The following IPO11 variants were observed in gnomAD, a reference collection of about 807,000 sequenced individuals.
IPO11 encodes the protein importin 11.
Under a neutral mutation model 143.2 loss-of-function variants are expected in IPO11, and 66 were observed. That is an observed-to-expected ratio of 0.46 (90% CI 0.38 to 0.57). The LOEUF is 0.57. Among genes scored for constraint, IPO11 ranks in the 20% least tolerant of loss-of-function variants. The probability of loss-of-function intolerance (pLI) is 0.00; values close to 1 mark genes in which losing one functional copy is unlikely to be tolerated. For missense variants in IPO11, 1,026 were observed against 1,141.0 expected, an observed-to-expected ratio of 0.90 and a Z score of 1.45; for synonymous variants, 385 against 377.8, an observed-to-expected ratio of 1.02 and a Z score of -0.22.
chr5:62,513,286 G>C (rs968632601), intron 19 of IPO11, among the ~76,000 whole-genome samples: 13 of 110,196 alleles, frequency 1.2e-4, no homozygotes, highest in African/African-American at 6.7e-4. Flanking sequence ...CTCCCTCCCG[G>C]ACGGGGCGGC....
At chr5:62,621,144 C>T (rs1746350383) in intron 29 of IPO11, among the ~76,000 whole-genome samples, 2 of 152,096 alleles carry the variant, frequency 1.3e-5, no homozygotes, top group Admixed American at 6.5e-5. Context: ...TGGTCTGTTA[C>T]GCAGAGTTTC....
At chr5:62,420,290 T>G (rs1346771787) in intron 1 of IPO11, among the ~76,000 whole-genome samples, 2 of 107,764 alleles carry the variant, frequency 1.9e-5, no homozygotes, top group African/African-American at 7.8e-5. Context: ...AAGCTCCGTC[T>G]CAAAAAAAAA....
intron 28 of IPO11, among the ~76,000 whole-genome samples, chr5:62,595,676 T>C (rs1478214229): frequency 6.6e-6 from 1 of 152,206 alleles, no homozygotes; most frequent in Non-Finnish European, 1.5e-5. Flanking sequence ...ATGAATTCTT[T>C]TGGAAGAAAG....
chr5:62,476,717 T>C lies in IPO11; in HGVS notation c.792T>C (p.Asp264=), dbSNP rs1029464792. The C allele has an allele frequency of 6.6e-7, 1 of 1,518,210 alleles. No homozygotes were observed. Among genetic ancestry groups the C allele is most frequent in the Non-Finnish European group, 8.8e-7 (1 of 1,131,616 alleles). 94.0% of individuals were successfully genotyped at this position (1,518,210 alleles called of 1,614,324 possible). The stretch of plus-strand genomic sequence containing the variant: ...TAGGTACAGATAATGTGTGTAGAGA[T>C]AGACTGGAAAAGACCATCATTCTTT... ...RSIGTDNVCR[D]RLEKTIILFT... is the part of the protein sequence containing the mutation. The change falls in exon 9 of 30, where the codon GAT becomes GAC. Residue 264 remains aspartate (D), a synonymous_variant. Coordinates refer to ENST00000325324, the MANE Select transcript of IPO11 (RefSeq NM_016338.5).
chr5:62,416,182 C>CTTTTTTTTTTTTTTTTTTTTT (rs869236693), intron 1 of IPO11, among the ~76,000 whole-genome samples: 1 of 123,508 alleles, frequency 8.1e-6, no homozygotes, highest in African/African-American at 3.0e-5. Flanking sequence ...TTTTTCTTTT[C>CTTTTTTTTTTTTTTTTTTTTT]TTTTTTTTTT....
chr5:62,471,762 G>A (rs1003594372), intron 7 of IPO11, among the ~76,000 whole-genome samples: 1 of 151,908 alleles, frequency 6.6e-6, no homozygotes, highest in African/African-American at 2.4e-5. Context: ...TTTTAAAAAA[G>A]AGATATTAAT....
Position 62,550,460 on chromosome 5 carries a change from G to T in IPO11, c.2344G>T (p.Glu782Ter). ...PYVFKGIIEG[E>*]RYPVVMSTYL... is the part of the protein sequence containing the mutation. Reference sequence around the variant, plus strand: ...TGTTTTCAAGGGTATTATAGAAGGGGAGGTAAGATTTTTCTTTAAGTTCCA... The same window carrying T: ...TGTTTTCAAGGGTATTATAGAAGGGTAGGTAAGATTTTTCTTTAAGTTCCA... The change falls in exon 25 of 30, where the codon GAG becomes TAG. Residue 782 changes from glutamate to a stop codon, truncating the protein, a stop_gained and splice_region_variant. Transcript: ENST00000325324. LOFTEE classifies it high-confidence loss of function. 1 of 1,602,820 alleles carries T rather than the reference G, an allele frequency of 6.2e-7. No homozygotes were observed.
chr5:62,598,472 C>T (rs867614322), intron 28 of IPO11, among the ~76,000 whole-genome samples: 9 of 3,314 alleles, frequency 2.7e-3, no homozygotes, highest in South Asian at 0.013. Flanking sequence ...CTCTCTCTCT[C>T]TCTCTCTCTC....
intron 28 of IPO11, among the ~76,000 whole-genome samples, chr5:62,600,930 A>G (rs1027544312): frequency 6.6e-6 from 1 of 152,214 alleles, no homozygotes; most frequent in African/African-American, 2.4e-5. Flanking sequence ...GTTTTCTGGT[A>G]TCCGCACCTG....
chr5:62,532,455 T>C (rs1742584067), intron 22 of IPO11, among the ~76,000 whole-genome samples: 1 of 152,154 alleles, frequency 6.6e-6, no homozygotes, highest in Non-Finnish European at 1.5e-5. Context: ...CCTCCCAGGT[T>C]CAAGCAATTC....
At chr5:62,544,555 C>G (rs1173661048) in intron 24 of IPO11, among the ~76,000 whole-genome samples, 1 of 152,190 alleles carries the variant, frequency 6.6e-6, no homozygotes, top group African/African-American at 2.4e-5. Flanking sequence ...CAGGGATACC[C>G]TGTCTCACCA....
At chr5:62,605,541 GAAT>G (rs1436340095) in intron 29 of IPO11, among the ~76,000 whole-genome samples, 2 of 151,808 alleles carry the variant, frequency 1.3e-5, no homozygotes, top group African/African-American at 4.8e-5. Context: ...CTAATTAGTA[GAAT>G]AATAATTTTA....
intron 27 of IPO11, among the ~76,000 whole-genome samples, chr5:62,589,196 A>T (rs191792712): frequency 2.6e-5 from 4 of 151,680 alleles, no homozygotes; most frequent in Admixed American, 2.0e-4. Flanking sequence ...GCCAAAAAAC[A>T]CCCCTTCAAC....
chr5:62,621,977 A>G (rs1746396247), intron 29 of IPO11, among the ~76,000 whole-genome samples: 1 of 152,108 alleles, frequency 6.6e-6, no homozygotes, highest in Admixed American at 6.5e-5. Flanking sequence ...GAAACCTGAA[A>G]GGTTTCTGGC....
Position 62,457,511 on chromosome 5 carries a change from C to G in IPO11, c.516+5578C>G, listed in dbSNP as rs116312906. On this transcript the variant is annotated intron_variant, in intron 5 of 29. Transcript: ENST00000325324. ...ATAATAGTGTTTCTGCTAAACAACA[C>G]ATGAATTATTTGGATGGTAAGGGTA... 5.0e-3 allele frequency among the ~76,000 whole-genome samples: 764 copies of G among 152,206 alleles called. 7 individuals carry two copies. Among genetic ancestry groups the G allele is most frequent in the African/African-American group, 0.017 (721 of 41,518 alleles).
Position 62,526,212 on chromosome 5 carries a change from C to T in IPO11, c.1967C>T (p.Ser656Leu). ...LPVIQLSTDV[S>L]QPPHVYLLED... ...GTTATTCAACTGAGTACAGATGTTT[C>T]ACAGCCTCCACATGTTTATCTTCTG... The change falls in exon 21 of 30, where the codon TCA becomes TTA. Residue 656 changes from serine (S) to leucine (L), a missense_variant. This residue lies in a region of IPO11 where 237 missense variants were observed against 288.0 expected (regional missense o/e 0.82). Coordinates refer to ENST00000325324, the MANE Select transcript of IPO11 (RefSeq NM_016338.5). 1 of 1,613,632 alleles carries T rather than the reference C, an allele frequency of 6.2e-7. No homozygotes were observed. The highest frequency in any genetic ancestry group is 8.5e-7 in the Non-Finnish European group (1 of 1,179,690).
intron 26 of IPO11, among the ~76,000 whole-genome samples, chr5:62,553,396 G>T (rs1299243396): frequency 6.6e-6 from 1 of 151,868 alleles, no homozygotes; most frequent in Non-Finnish European, 1.5e-5. Flanking sequence ...CTGTAGATGG[G>T]TGCCTAGGTT....
Position 62,627,395 on chromosome 5 carries a change from T to A in IPO11, c.*77T>A, listed in dbSNP as rs1273609421. ...AGCCTGCCGTTTGTATGTGAGAGCCTGCTGAGATGAAGAAATCACTTCATG... is the reference window on the plus strand; with the variant it reads ...AGCCTGCCGTTTGTATGTGAGAGCCAGCTGAGATGAAGAAATCACTTCATG... On this transcript the variant is annotated 3_prime_UTR_variant, in exon 30 of 30. Transcript: ENST00000325324. 2.2e-6 allele frequency: 3 copies of A among 1,338,658 alleles called. No homozygotes were observed. Among genetic ancestry groups the A allele is most frequent in the African/African-American group, 2.9e-5 (2 of 68,576 alleles). The allele number at this position is 1,338,658 out of a possible 1,614,324, so 82.9% of individuals were successfully genotyped here. A position where few individuals can be genotyped will look rare whatever the true frequency, so the allele number is the denominator to read the frequency against.
intron 27 of IPO11, among the ~76,000 whole-genome samples, chr5:62,569,335 G>T (rs921222971): frequency 6.6e-6 from 1 of 152,132 alleles, no homozygotes; most frequent in African/African-American, 2.4e-5. Context: ...CTAAAACCAG[G>T]TACTACGATC....
Sources: allele counts gnomAD v4.1 joint callset (sites outside exome capture counted in the v4.1 genomes callset), GRCh38; gene constraint gnomAD v4.1.1; regional missense constraint gnomAD v4.1.1; transcripts MANE v1.5; gene names NCBI Gene and HGNC (gene_info 2026-07-23, HGNC 2026-07-21).